Variants in CRYBG3 observed in about 807,000 individuals in gnomAD.
CRYBG3 encodes the protein very large A-kinase anchor protein.
Under a neutral mutation model 244.2 loss-of-function variants are expected in CRYBG3, and 127 were observed. The observed-to-expected ratio is 0.52, with a 90% CI of 0.45 to 0.60. The LOEUF is 0.60. CRYBG3 is among the 20% of genes least tolerant of loss of function. CRYBG3 has a pLI of 0.00. For missense variants in CRYBG3, 3,325 were observed against 3,442.5 expected, an observed-to-expected ratio of 0.97 and a Z score of 0.85; for synonymous variants, 1,132 against 1,195.8, an observed-to-expected ratio of 0.95 and a Z score of 1.10.
At chr3:97,901,860 C>T (rs543231877) in intron 15 of CRYBG3, among the ~76,000 whole-genome samples, 2 of 152,206 alleles carry the variant, frequency 1.3e-5, no homozygotes, top group South Asian at 4.1e-4. Context: ...AGAAAACGCC[C>T]AGTGAAATCA....
intron 17 of CRYBG3, among the ~76,000 whole-genome samples, chr3:97,920,830 C>T (rs554928529): frequency 3.0e-4 from 45 of 152,162 alleles, no homozygotes; most frequent in Admixed American, 1.4e-3. Flanking sequence ...ACACCCAGCC[C>T]CATGATATGT....
chr3:97,896,057 C>T lies in CRYBG3; in HGVS notation c.7673C>T (p.Pro2558Leu), dbSNP rs74855154. The T allele has an allele frequency of 3.5e-4, 559 of 1,612,242 alleles. 1 individual carries two copies. The highest frequency in any genetic ancestry group is 4.4e-4 in the Non-Finnish European group (513 of 1,179,100). ...AATGCTTGTGGTGCATTAAGTAGCCCTATCTTGTCTTTCCGGTACTTACAA... is the reference window on the plus strand; with the variant it reads ...AATGCTTGTGGTGCATTAAGTAGCCTTATCTTGTCTTTCCGGTACTTACAA... ...DSNACGALSSPILSFRYLQAN... is the reference protein window; with the variant it reads ...DSNACGALSSLILSFRYLQAN... Residue 2558 changes from proline (P) to leucine (L), a missense_variant, in exon 12 of 22, where the codon CCT becomes CTT. By Grantham distance (98) the Pro-to-Leu change is moderately conservative. Coordinates refer to ENST00000389622, the MANE Select transcript of CRYBG3 (RefSeq NM_153605.4).
chr3:97,833,861 GT>G (rs1437712656), intron 1 of CRYBG3, among the ~76,000 whole-genome samples: 1 of 152,156 alleles, frequency 6.6e-6, no homozygotes, highest in Non-Finnish European at 1.5e-5. Context: ...TGGCTAGAAT[GT>G]TAAGATTGGG....
rs1338171614 is a variant in CRYBG3 at position 97,941,238 on chromosome 3, T to C, written c.8596T>C (p.Cys2866Arg). 1 of 1,611,496 alleles carries C rather than the reference T, an allele frequency of 6.2e-7. No individual in the cohort carries two copies. Among genetic ancestry groups the C allele is most frequent in the South Asian group, 1.1e-5 (1 of 90,960 alleles). Residue 2866 changes from cysteine to arginine, a missense_variant, in exon 20 of 22, where the codon TGC becomes CGC. Transcript: ENST00000389622. The part of the protein sequence containing the change: ...SLADTRATSV[C>R]ISPYSGKNTQ... ...AGCAGACACCAGGGCAACATCTGTG[T>C]GCATTTCTCCCTATAGTGGAAAGAA...
chr3:97,932,325 A>G (rs1223229761), intron 17 of CRYBG3, among the ~76,000 whole-genome samples: 1 of 152,032 alleles, frequency 6.6e-6, no homozygotes. Flanking sequence ...AGAGCTCCCC[A>G]TTCTTTTTTA....
At chr3:97,908,392 T>G (rs1158928315) in intron 15 of CRYBG3, among the ~76,000 whole-genome samples, 3 of 152,122 alleles carry the variant, frequency 2.0e-5, no homozygotes, top group African/African-American at 7.2e-5. Flanking sequence ...AAGTCTCTTT[T>G]TAGGTCACTC....
intron 1 of CRYBG3, among the ~76,000 whole-genome samples, chr3:97,838,908 A>G (rs557815894): frequency 1.3e-5 from 2 of 152,192 alleles, no homozygotes; most frequent in South Asian, 2.1e-4. Flanking sequence ...AAATGGCTGT[A>G]TGTTGGATTC....
chr3:97,874,235 C>G lies in CRYBG3; in HGVS notation c.3041C>G (p.Ser1014Cys). ...AATTCACCTTTTCTGGATTCTGATTCCAGTTTGGAAAAAAATTCTTCTGCA... is the reference window on the plus strand; with the variant it reads ...AATTCACCTTTTCTGGATTCTGATTGCAGTTTGGAAAAAAATTCTTCTGCA... ...KVNSPFLDSD[S>C]SLEKNSSASE... Residue 1014 changes from serine (S) to cysteine (C), a missense_variant, in exon 4 of 22, where the codon TCC becomes TGC. This residue lies in a region of CRYBG3 where 1,526 missense variants were observed against 1,443.2 expected (regional missense o/e 1.06). Coordinates refer to ENST00000389622, the MANE Select transcript of CRYBG3 (RefSeq NM_153605.4). The G allele has an allele frequency of 6.5e-7, 1 of 1,534,620 alleles. No individual in the cohort carries two copies. The highest frequency in any genetic ancestry group is 8.7e-7 in the Non-Finnish European group (1 of 1,146,536).
chr3:97,878,120 C>T, intron 4 of CRYBG3, 83 bp downstream of exon 4: 1 of 1,316,328 alleles, frequency 7.6e-7, no homozygotes, highest in Non-Finnish European at 1.0e-6. Flanking sequence ...TAAGAAAAGT[C>T]AATGTTTTGG....
At position 97,888,442 on chromosome 3, in the gene CRYBG3, A is replaced by G. The variant is rs747887274; in HGVS notation, c.7391A>G (p.His2464Arg). The G allele has an allele frequency of 6.2e-7, 1 of 1,601,622 alleles. No individual in the cohort carries two copies. The highest frequency in any genetic ancestry group is 2.2e-5 in the East Asian group (1 of 44,756). Reference protein sequence around the residue: ...EISTAEMKSLHPLQMGGLKVE... With the variant: ...EISTAEMKSLRPLQMGGLKVE... ...TCTACAGCAGAAATGAAATCATTACATCCGCTTCAAATGGTAAGCAAATTT... is the reference window on the plus strand; with the variant it reads ...TCTACAGCAGAAATGAAATCATTACGTCCGCTTCAAATGGTAAGCAAATTT... The change falls in exon 9 of 22, where the codon CAT becomes CGT. Residue 2464 changes from histidine to arginine, a missense_variant. Transcript: ENST00000389622.
chr3:97,846,777 G>T (rs2038909604), intron 2 of CRYBG3, among the ~76,000 whole-genome samples: 1 of 151,970 alleles, frequency 6.6e-6, no homozygotes, highest in South Asian at 2.1e-4. Flanking sequence ...GTCCCTTTTT[G>T]CAGTCACTTA....
In CRYBG3 at chr3:97,857,740, C is replaced by CA. The variant is rs1330277040; in HGVS notation, c.217-6476dup. Among the ~76,000 whole-genome samples, 9 of 152,080 alleles carry CA rather than the reference C, an allele frequency of 5.9e-5. 1 individual carries two copies. Among genetic ancestry groups the CA allele is most frequent in the African/African-American group, 2.2e-4 (9 of 41,526 alleles). ...TGTGAAGTGAGTTTCTTTTAGGTAG[C>CA]ATATAGTTGAGTTCTGTTTTTTTAT... On this transcript the variant is annotated intron_variant, in intron 2 of 21. Coordinates refer to ENST00000389622, the MANE Select transcript of CRYBG3 (RefSeq NM_153605.4).
At position 97,835,915 on chromosome 3, in the gene CRYBG3, A is replaced by G. The variant is rs2038726634; in HGVS notation, c.150-7280A>G. Among the ~76,000 whole-genome samples the G allele has an allele frequency of 2.0e-5, 3 of 152,140 alleles. No individual in the cohort carries two copies. The East Asian group carries it at 5.8e-4, about 29-fold the overall frequency. On this transcript the variant is annotated intron_variant, in intron 1 of 21. Coordinates refer to ENST00000389622, the MANE Select transcript of CRYBG3 (RefSeq NM_153605.4). ...TATTGAATCTTGTGGGGGTGAGTCAAACATTCAGAATCTGAAGGTTATGAG... is the reference window on the plus strand; with the variant it reads ...TATTGAATCTTGTGGGGGTGAGTCAGACATTCAGAATCTGAAGGTTATGAG...
intron 1 of CRYBG3, among the ~76,000 whole-genome samples, chr3:97,826,625 A>G (rs971971379): frequency 9.2e-5 from 14 of 152,242 alleles, no homozygotes; most frequent in Admixed American, 7.2e-4. Flanking sequence ...AATCTAGGCT[A>G]TATGCTGAAA....
intron 12 of CRYBG3, among the ~76,000 whole-genome samples, chr3:97,896,974 A>G (rs1459894217): frequency 6.6e-6 from 1 of 151,792 alleles, no homozygotes; most frequent in Non-Finnish European, 1.5e-5. Context: ...TTGAGTAGTT[A>G]TTTTTATTTT....
At chr3:97,898,821 T>A in intron 12 of CRYBG3, 62 bp from the exon 13 acceptor site, 1 of 1,218,016 alleles carries the variant, frequency 8.2e-7, no homozygotes, top group Non-Finnish European at 1.1e-6. Flanking sequence ...TTTTGCTAGA[T>A]AATAGCAGTC....
chr3:97,864,959 C>T (rs1021578912), intron 3 of CRYBG3, among the ~76,000 whole-genome samples: 52 of 152,144 alleles, frequency 3.4e-4, no homozygotes, highest in African/African-American at 1.1e-3. Context: ...TGTGCATTTT[C>T]GGGGAAAATG....
At chr3:97,829,577 A>G (rs941089059) in intron 1 of CRYBG3, among the ~76,000 whole-genome samples, 16 of 152,194 alleles carry the variant, frequency 1.1e-4, no homozygotes, top group African/African-American at 3.6e-4. Flanking sequence ...TATAAATTAG[A>G]AAGATTTATA....
intron 17 of CRYBG3, among the ~76,000 whole-genome samples, chr3:97,916,347 G>A (rs575476931): frequency 2.0e-5 from 3 of 152,072 alleles, no homozygotes; most frequent in Non-Finnish European, 2.9e-5. Flanking sequence ...TTTCTGTCTG[G>A]TGTGTGCAGA....
Sources: allele counts gnomAD v4.1 joint callset (sites outside exome capture counted in the v4.1 genomes callset), GRCh38; gene constraint gnomAD v4.1.1; regional missense constraint gnomAD v4.1.1; transcripts MANE v1.5; gene names NCBI Gene and HGNC (gene_info 2026-07-23, HGNC 2026-07-21).